The following NEB variants were observed in gnomAD, a reference collection of about 807,000 sequenced individuals.
NEB encodes the protein nebulin, also known as nemaline myopathy type 2.
A neutral mutation model predicts 952.2 loss-of-function variants in NEB; 512 were observed. The ratio of observed to expected loss-of-function variants is 0.54; its 90% CI spans 0.50 to 0.58. NEB has a LOEUF of 0.58. Ranked by LOEUF, NEB falls within the 20% of genes least tolerant of loss-of-function variation. The pLI is 0.00. For synonymous variants in NEB, 2,900 were observed against 3,149.8 expected (o/e 0.92, Z 2.66); for missense variants, 8,428 against 9,231.1 (o/e 0.91, Z 3.56).
At position 151,547,464 on chromosome 2, in the gene NEB, T is replaced by C. The variant is rs753409626; in HGVS notation, c.20332A>G (p.Ile6778Val). The change falls in exon 133 of 182, where the codon ATC (isoleucine) becomes GTC (valine). Residue 6778 changes from isoleucine to valine, a missense_variant. Around this residue, in one of 11 missense-constraint regions of NEB, gnomAD observed 3,374 missense variants for 3,651.5 expected, o/e 0.92. Transcript: ENST00000397345. ...ATGTCTCCCACATAGCGGCAATGGA[T>C]CACTTGGGGTGTGTATGGCAGAGAG... The part of the protein sequence containing the change: ...MISLPYTPQV[I>V]HCRYVGDITS... 61 of 1,606,680 alleles carry C rather than the reference T, an allele frequency of 3.8e-5. No homozygotes were observed. Among genetic ancestry groups the C allele is most frequent in the Non-Finnish European group, 4.9e-5 (58 of 1,176,882 alleles).
At chr2:151,488,577 T>G (rs2053224287) in intron 181 of NEB, among the ~76,000 whole-genome samples, 1 of 151,862 alleles carries the variant, frequency 6.6e-6, no homozygotes, top group South Asian at 2.1e-4. Flanking sequence ...GTCCATGAAG[T>G]CGAGACTGCA....
intron 105 of NEB, among the ~76,000 whole-genome samples, 162 bp from the exon 106 acceptor site, chr2:151,576,516 ATTTTTTTTTTTTTTTTTT>A (rs869125440): frequency 4.7e-3 from 88 of 18,862 alleles, no homozygotes; most frequent in Non-Finnish European, 7.0e-3. Context: ...ATATATATAT[ATTTTTTTTTTTTTTTTTT>A]TTTTTTTTTT....
chr2:151,669,852 ATAACAGGT>A (rs1380848860), intron 38 of NEB, among the ~76,000 whole-genome samples: 2 of 152,216 alleles, frequency 1.3e-5, no homozygotes, highest in Non-Finnish European at 2.9e-5. Context: ...GGGAGTCCAG[ATAACAGGT>A]TATTGCAGTT....
rs2099084226 is a variant in NEB at position 151,656,186 on chromosome 2, C to G, written c.6462G>C (p.Glu2154Asp). The change falls in exon 49 of 182, where the codon GAG becomes GAC. Residue 2154 changes from glutamate (E) to aspartate (D), a missense_variant. Physicochemically the swap from Glu to Asp is conservative, Grantham distance 45. This residue lies in a region of NEB where 2,851 missense variants were observed against 2,791.5 expected (regional missense o/e 1.02). Transcript: ENST00000397345. ...YILLPDAMNI[E>D]LTRNMNRIQS... ...GTATGCGATTCATATTCCTGGTCAG[C>G]TCAATGTTCATTGCATCTGGAAGGA... 6.2e-7 allele frequency: 1 copy of G among 1,606,404 alleles called. No individual in the cohort carries two copies. The highest frequency in any genetic ancestry group is 1.7e-5 in the Admixed American group (1 of 59,750).
At chr2:151,503,521 G>A in intron 165 of NEB, 80 bp from the exon 166 acceptor site, 1 of 894,354 alleles carries the variant, frequency 1.1e-6, no homozygotes. Flanking sequence ...GGGCTATTTG[G>A]GGGAAACTCA....
intron 167 of NEB, among the ~76,000 whole-genome samples, chr2:151,502,385 CA>C (rs2065325034): frequency 1.1e-5 from 1 of 93,338 alleles, no homozygotes; most frequent in East Asian, 4.0e-4. Context: ...AACATCTAAA[CA>C]TAAAAAAAAA....
At chr2:151,634,600 C>A (rs1368807669) in intron 64 of NEB, among the ~76,000 whole-genome samples, 3 of 151,988 alleles carry the variant, frequency 2.0e-5, no homozygotes, top group African/African-American at 7.3e-5. Context: ...CAAAATTACG[C>A]CACTGCACTC....
At chr2:151,657,089 G>T (rs1162819280) in intron 48 of NEB, among the ~76,000 whole-genome samples, 2 of 152,162 alleles carry the variant, frequency 1.3e-5, no homozygotes, top group African/African-American at 4.8e-5. Flanking sequence ...TCCATGGAGA[G>T]CTTCTTTTTC....
chr2:151,549,949 G>C (rs2095166606), intron 129 of NEB, among the ~76,000 whole-genome samples: 1 of 152,136 alleles, frequency 6.6e-6, no homozygotes, highest in Non-Finnish European at 1.5e-5. Context: ...TGGAAAAATA[G>C]AACAATGAGT....
At chr2:151,577,029 T>G (rs2096891394) in intron 105 of NEB, among the ~76,000 whole-genome samples, 1 of 152,178 alleles carries the variant, frequency 6.6e-6, no homozygotes, top group African/African-American at 2.4e-5. Context: ...CATGGAAGAC[T>G]TCTGAATAAT....
intron 153 of NEB, among the ~76,000 whole-genome samples, chr2:151,523,064 T>G (rs979787846): frequency 3.9e-5 from 6 of 152,214 alleles, no homozygotes; most frequent in Non-Finnish European, 8.8e-5. Context: ...AATTTCAACA[T>G]CATAGTCGTT....
chr2:151,663,904 AACAAAGTACC>A, intron 44 of NEB, 45 bp from the exon 45 acceptor site: 1 of 1,550,642 alleles, frequency 6.4e-7, no homozygotes, highest in Non-Finnish European at 8.8e-7. Flanking sequence ...GGTAAAAGAG[AACAAAGTACC>A]ATTTGCTAGG....
At chr2:151,671,986 G>A (rs200661161) in intron 37 of NEB, among the ~76,000 whole-genome samples, 10 of 147,384 alleles carry the variant, frequency 6.8e-5, no homozygotes, top group South Asian at 2.1e-4. Context: ...GTTAATAAAG[G>A]AAAAAAAAAA....
Position 151,565,485 on chromosome 2 carries a change from C to T in NEB, c.18366+16G>A. 1 of 1,516,806 alleles carries T rather than the reference C, an allele frequency of 6.6e-7. No homozygotes were observed. Among genetic ancestry groups the T allele is most frequent in the Non-Finnish European group, 9.1e-7 (1 of 1,099,574 alleles). 94.0% of individuals were successfully genotyped at this position (1,516,806 alleles called of 1,614,324 possible). A position where few individuals can be genotyped will look rare whatever the true frequency, so the allele number is the denominator to read the frequency against. ...TCCCCAGTCTGTGCACTTCAGCATG[C>T]ACAAAGCAAACTTACATCACTTTGA... is the stretch of plus-strand genomic sequence containing the variant. On this transcript the variant is annotated intron_variant, in intron 116 of 181. Transcript: ENST00000397345.
At chr2:151,560,555 G>A (rs374487720) in intron 124 of NEB, 37 bp downstream of exon 124, 1 of 1,477,640 alleles carries the variant, frequency 6.8e-7, no homozygotes, top group South Asian at 1.2e-5. Flanking sequence ...GGAGGGGAGG[G>A]AGGGTGGGAA....
chr2:151,504,359 A>T lies in NEB; in HGVS notation c.23743-918T>A, dbSNP rs376037403. ...TACTCTTCACCCAACAAAGCAGCAGAATTGATCTCGGACAACAGCACAAAG... is the reference window on the plus strand; with the variant it reads ...TACTCTTCACCCAACAAAGCAGCAGTATTGATCTCGGACAACAGCACAAAG... On this transcript the variant is annotated intron_variant, in intron 165 of 181. Coordinates refer to ENST00000397345, the MANE Select transcript of NEB (RefSeq NM_001164508.2). 4.6e-5 allele frequency among the ~76,000 whole-genome samples: 7 copies of T among 152,236 alleles called. No individual in the cohort carries two copies. The East Asian group carries it at 1.2e-3, about 25-fold the overall frequency.
intron 156 of NEB, among the ~76,000 whole-genome samples, chr2:151,517,170 C>T (rs1337062996): frequency 6.6e-6 from 1 of 152,164 alleles, no homozygotes; most frequent in African/African-American, 2.4e-5. Flanking sequence ...CTCAAAAGAT[C>T]CTCAAGCCTG....
chr2:151,568,094 G>C lies in NEB; in HGVS notation c.17821C>G (p.His5941Asp). 1 of 1,613,512 alleles carries C rather than the reference G, an allele frequency of 6.2e-7. No individual in the cohort carries two copies. Among genetic ancestry groups the C allele is most frequent in the Non-Finnish European group, 8.5e-7 (1 of 1,179,608 alleles). The change falls in exon 113 of 182, where the codon CAC becomes GAC. Residue 5941 changes from histidine (H) to aspartate (D), a missense_variant. By Grantham distance (81) the His-to-Asp change is moderately conservative (BLOSUM62 -1). This residue lies in a region of NEB where 3,374 missense variants were observed against 3,651.5 expected (regional missense o/e 0.92). Transcript: ENST00000397345. ...ACCTCACTCTGAACGTCATTGCAGT[G>C]ATGGGCATGAACAAATGGCACAGCA... is the stretch of plus-strand genomic sequence containing the variant. Reference protein sequence around the residue: ...PDAVPFVHAHHCNDVQSELKY... With the variant: ...PDAVPFVHAHDCNDVQSELKY...
In NEB at chr2:151,570,552, C is replaced by A. The variant is rs752334619; in HGVS notation, c.17063G>T (p.Arg5688Leu). The change falls in exon 108 of 182, where the codon CGG (arginine) becomes CTG (leucine). Residue 5688 changes from arginine (R) to leucine (L), a missense_variant. This residue lies in a region of NEB where 3,374 missense variants were observed against 3,651.5 expected (regional missense o/e 0.92). Transcript: ENST00000397345. ...AGCCTGGATGGGGATGGCATCCAGC[C>A]GGACATCACAGCCCGCCTTCATTTC... is the stretch of plus-strand genomic sequence containing the variant. Reference protein sequence around the residue: ...WDEMKAGCDVRLDAIPIQAAK... With the variant: ...WDEMKAGCDVLLDAIPIQAAK... The A allele has an allele frequency of 1.2e-5, 20 of 1,610,006 alleles. No individual in the cohort carries two copies. The highest frequency in any genetic ancestry group is 1.7e-5 in the Non-Finnish European group (20 of 1,178,318).
Sources: allele counts gnomAD v4.1 joint callset (sites outside exome capture counted in the v4.1 genomes callset), GRCh38; gene constraint gnomAD v4.1.1; regional missense constraint gnomAD v4.1.1; transcripts MANE v1.5; gene names NCBI Gene and HGNC (gene_info 2026-07-23, HGNC 2026-07-21).